SENP5: variants seen among roughly 807,000 people sequenced by gnomAD.
The protein encoded by SENP5 is sentrin-specific protease 5.
A neutral mutation model predicts 74.2 loss-of-function variants in SENP5; 21 were observed. The ratio of observed to expected loss-of-function variants is 0.28; its 90% CI spans 0.20 to 0.41. The LOEUF (loss-of-function observed/expected upper bound fraction) is 0.41, where lower values mean the gene tolerates loss of function less well. Among genes scored for constraint, SENP5 ranks in the 10% least tolerant of loss-of-function variants. The pLI, the probability that SENP5 is intolerant of heterozygous loss-of-function variation, is 1.00. For missense variants in SENP5, 717 were observed against 889.1 expected, an observed-to-expected ratio of 0.81 and a Z score of 2.46; for synonymous variants, 311 against 312.7, an observed-to-expected ratio of 0.99 and a Z score of 0.06.
rs1577801689 is a variant in SENP5, at chr3:196,885,469, G to A, written c.288G>A (p.Val96=). ...ATGTTAGTACTTTGTCCTCTAAAGTGAAAAGAAAGGACGCTAAACACTTCA... is the reference window on the plus strand; with the variant it reads ...ATGTTAGTACTTTGTCCTCTAAAGTAAAAAGAAAGGACGCTAAACACTTCA... ...TQNVSTLSSK[V]KRKDAKHFIS... is the part of the protein sequence containing the mutation. The change falls in exon 2 of 10, where the codon GTG becomes GTA. Residue 96 remains valine, a synonymous_variant. Coordinates refer to ENST00000323460, the MANE Select transcript of SENP5 (RefSeq NM_152699.5). 1.9e-6 allele frequency: 3 copies of A among 1,614,110 alleles called. No homozygotes were observed. Among genetic ancestry groups the A allele is most frequent in the Non-Finnish European group, 2.5e-6 (3 of 1,180,034 alleles).
intron 1 of SENP5, among the ~76,000 whole-genome samples, chr3:196,875,400 C>T (rs1056894680): frequency 6.6e-6 from 1 of 152,162 alleles, no homozygotes; most frequent in African/African-American, 2.4e-5. Flanking sequence ...CCATTCTGCA[C>T]ATTGCAGGTA....
chr3:196,908,513 G>T (rs1432273872), intron 6 of SENP5, among the ~76,000 whole-genome samples: 1 of 152,102 alleles, frequency 6.6e-6, no homozygotes, highest in Non-Finnish European at 1.5e-5. Flanking sequence ...TCAACATCCT[G>T]ACATCACAAT....
rs745428368 is a variant in SENP5, at chr3:196,885,471, A to G, written c.290A>G (p.Lys97Arg). ...GTTAGTACTTTGTCCTCTAAAGTGA[A>G]AAGAAAGGACGCTAAACACTTCATT... Reference protein sequence around the residue: ...QNVSTLSSKVKRKDAKHFISS... With the variant: ...QNVSTLSSKVRRKDAKHFISS... The change falls in exon 2 of 10, where the codon AAA (lysine) becomes AGA (arginine). Residue 97 changes from lysine (K) to arginine (R), a missense_variant. Lys to Arg is a conservative substitution (Grantham distance 26, BLOSUM62 2). Around this residue, in one of 4 missense-constraint regions of SENP5, gnomAD observed 567 missense variants for 577.4 expected, o/e 0.98. Coordinates refer to ENST00000323460, the MANE Select transcript of SENP5 (RefSeq NM_152699.5). 5.0e-6 allele frequency: 8 copies of G among 1,614,138 alleles called. No individual in the cohort carries two copies. Among genetic ancestry groups the G allele is most frequent in the South Asian group, 4.4e-5 (4 of 91,080 alleles).
intron 5 of SENP5, among the ~76,000 whole-genome samples, chr3:196,901,375 C>T (rs1055528061): frequency 6.6e-6 from 1 of 152,008 alleles, no homozygotes; most frequent in Non-Finnish European, 1.5e-5. Flanking sequence ...AAATCTTGCT[C>T]TCTTTAAAAA....
Position 196,886,368 on chromosome 3 carries a change from C to T in SENP5, c.1187C>T (p.Thr396Ile). ...TCAGAAACTGAAAGAGAAATTATGA[C>T]TCTGGGTCAGGAAAATCAGACAAGT... is the stretch of plus-strand genomic sequence containing the variant. ...FISETEREIMTLGQENQTSSV... is the reference protein window; with the variant it reads ...FISETEREIMILGQENQTSSV... The change falls in exon 2 of 10, where the codon ACT (threonine) becomes ATT (isoleucine). Residue 396 changes from threonine to isoleucine, a missense_variant. Physicochemically the swap from Thr to Ile is moderately conservative, Grantham distance 89. Transcript: ENST00000323460. 6.2e-7 allele frequency: 1 copy of T among 1,613,062 alleles called. No individual in the cohort carries two copies. Among genetic ancestry groups the T allele is most frequent in the Non-Finnish European group, 8.5e-7 (1 of 1,179,552 alleles).
intron 1 of SENP5, among the ~76,000 whole-genome samples, chr3:196,884,148 T>C (rs1008537861): frequency 6.6e-6 from 1 of 152,228 alleles, no homozygotes; most frequent in African/African-American, 2.4e-5. Context: ...TTGTTCTGTA[T>C]AGTCATGCAC....
intron 2 of SENP5, among the ~76,000 whole-genome samples, chr3:196,891,546 G>A (rs1446608169): frequency 6.6e-6 from 1 of 152,150 alleles, no homozygotes; most frequent in East Asian, 1.9e-4. Context: ...CAGAAGGATC[G>A]CTTGAGGGCA....
intron 6 of SENP5, among the ~76,000 whole-genome samples, chr3:196,922,988 A>G (rs1715680532): frequency 6.6e-6 from 1 of 152,130 alleles, no homozygotes. Context: ...CCTGGGCTCA[A>G]GCAGTTTTTC....
intron 2 of SENP5, among the ~76,000 whole-genome samples, chr3:196,892,760 G>A (rs183118271): frequency 1.3e-4 from 20 of 151,954 alleles, no homozygotes; most frequent in Admixed American, 2.6e-4. Context: ...GATTCTCTAC[G>A]TCTATGAGTT....
Position 196,933,392 on chromosome 3 carries a change from C to G in SENP5, c.*2469C>G, listed in dbSNP as rs938812871. On this transcript the variant is annotated 3_prime_UTR_variant, in exon 10 of 10. Coordinates refer to ENST00000323460, the MANE Select transcript of SENP5 (RefSeq NM_152699.5). ...TGGTTTCAGCACACGTAATTGCTTT[C>G]CCTCTCTTCTTGTGATTAGGTGTAA... is the stretch of plus-strand genomic sequence containing the variant. 1 of 152,116 alleles carries G rather than the reference C, an allele frequency of 6.6e-6. No individual in the cohort carries two copies. The highest frequency in any genetic ancestry group is 1.5e-5 in the Non-Finnish European group (1 of 68,026). The allele number at this position is 152,116 out of a possible 1,614,324, so 9.4% of individuals were successfully genotyped here.
At chr3:196,876,682 A>G (rs1172057350) in intron 1 of SENP5, among the ~76,000 whole-genome samples, 1 of 149,922 alleles carries the variant, frequency 6.7e-6, no homozygotes, top group Admixed American at 6.7e-5. Context: ...GGAGTTTAAG[A>G]CCAGTCTGGG....
chr3:196,911,670 TGTGGTG>T (rs143747732), intron 6 of SENP5, among the ~76,000 whole-genome samples: 1 of 151,472 alleles, frequency 6.6e-6, no homozygotes, highest in Non-Finnish European at 1.5e-5. Context: ...CTGAGGCAGT[TGTGGTG>T]GTGGGGGCCT....
Position 196,885,381 on chromosome 3 carries a change from A to C in SENP5, c.200A>C (p.Gln67Pro). 1 of 1,614,200 alleles carries C rather than the reference A, an allele frequency of 6.2e-7. No individual in the cohort carries two copies. Among genetic ancestry groups the C allele is most frequent in the Non-Finnish European group, 8.5e-7 (1 of 1,180,022 alleles). The change falls in exon 2 of 10, where the codon CAG becomes CCG. Residue 67 changes from glutamine to proline, a missense_variant. By Grantham distance (76) the Gln-to-Pro change is moderately conservative. Transcript: ENST00000323460. ...FQGRKKALQIQKTWIKDEPLC... is the reference protein window; with the variant it reads ...FQGRKKALQIPKTWIKDEPLC... ...GGTAGAAAGAAAGCTCTTCAAATCCAGAAAACGTGGATCAAGGATGAACCC... is the reference window on the plus strand; with the variant it reads ...GGTAGAAAGAAAGCTCTTCAAATCCCGAAAACGTGGATCAAGGATGAACCC...
chr3:196,890,654 C>CT (rs1042302081), intron 2 of SENP5, among the ~76,000 whole-genome samples: 2 of 152,184 alleles, frequency 1.3e-5, no homozygotes, highest in African/African-American at 2.4e-5. Context: ...TTTGCAAGTT[C>CT]TTTAAGTTCT....
At chr3:196,869,403 C>T (rs1265541589) in intron 1 of SENP5, among the ~76,000 whole-genome samples, 2 of 150,948 alleles carry the variant, frequency 1.3e-5, no homozygotes, top group East Asian at 4.1e-4. Context: ...GGGGTTTCAC[C>T]ATGTTGGCCA....
intron 8 of SENP5, 177 bp from the exon 9 acceptor site, chr3:196,929,456 T>C (rs759830665): frequency 5.1e-5 from 27 of 528,308 alleles, no homozygotes; most frequent in Non-Finnish European, 6.3e-5. Flanking sequence ...ACCTGATAGC[T>C]CTTTTTATGT....
chr3:196,907,905 A>C (rs996843906), intron 6 of SENP5, among the ~76,000 whole-genome samples: 5 of 143,156 alleles, frequency 3.5e-5, no homozygotes, highest in African/African-American at 5.2e-5. Context: ...AAAAAAAAAA[A>C]AACCCAGGTT....
In SENP5 at chr3:196,927,780, G is replaced by T; in HGVS notation, c.2023-16G>T. 1 of 1,499,744 alleles carries T rather than the reference G, an allele frequency of 6.7e-7. No homozygotes were observed. The highest frequency in any genetic ancestry group is 9.3e-7 in the Non-Finnish European group (1 of 1,076,382). The allele number at this position is 1,499,744 out of a possible 1,614,324, so 92.9% of individuals were successfully genotyped here. A position where few individuals can be genotyped will look rare whatever the true frequency, so the allele number is the denominator to read the frequency against. On this transcript the variant is annotated splice_polypyrimidine_tract_variant and intron_variant, in intron 7 of 9. Coordinates refer to ENST00000323460, the MANE Select transcript of SENP5 (RefSeq NM_152699.5). Reference sequence around the variant, plus strand: ...GATGGAACACAGCATCTGTGTTGTGGTTTCTTTTTAACCAGAATATAAGAA... The same window carrying T: ...GATGGAACACAGCATCTGTGTTGTGTTTTCTTTTTAACCAGAATATAAGAA...
chr3:196,869,759 CAA>C (rs58745670), intron 1 of SENP5, among the ~76,000 whole-genome samples: 10 of 37,982 alleles, frequency 2.6e-4, no homozygotes, highest in Admixed American at 5.4e-4. Flanking sequence ...AACTCCGTCT[CAA>C]AAAAAAAAAA....
Sources: allele counts gnomAD v4.1 joint callset (sites outside exome capture counted in the v4.1 genomes callset), GRCh38; gene constraint gnomAD v4.1.1; regional missense constraint gnomAD v4.1.1; transcripts MANE v1.5; gene names NCBI Gene and HGNC (gene_info 2026-07-23, HGNC 2026-07-21).